The following GRID1 variants were observed in gnomAD, a reference collection of about 807,000 sequenced individuals.
GRID1 encodes the protein glutamate receptor ionotropic, delta-1.
Under a neutral mutation model 98.0 loss-of-function variants are expected in GRID1, and 28 were observed. The ratio of observed to expected loss-of-function variants is 0.29; its 90% confidence interval spans 0.21 to 0.39. The LOEUF is 0.39. GRID1 is among the 10% of genes least tolerant of loss of function. GRID1 has a pLI of 1.00. For synonymous variants in GRID1, 553 were observed against 538.5 expected (o/e 1.03, Z -0.37); for missense variants, 1,111 against 1,340.5 (o/e 0.83, Z 2.67).
intron 3 of GRID1, among the ~76,000 whole-genome samples, chr10:86,161,255 C>A (rs145751760): frequency 1.2e-4 from 18 of 152,248 alleles, no homozygotes; most frequent in South Asian, 4.2e-4. Context: ...AAATCCGGGG[C>A]CTGACATCCT....
rs186874425 is a variant in GRID1, at chr10:86,126,628, A to T, written c.726+12191T>A. ...GTATATATGCAATAAATCAGACATT[A>T]CCACTTGGCAGCCTGCAAGCCTTAT... On this transcript the variant is annotated intron_variant, in intron 4 of 15. Coordinates refer to ENST00000327946, the MANE Select transcript of GRID1 (RefSeq NM_017551.3). 3.5e-4 allele frequency among the ~76,000 whole-genome samples: 53 copies of T among 152,364 alleles called. No individual in the cohort carries two copies. The South Asian group carries it at 7.9e-3, about 23-fold the overall frequency.
chr10:85,861,374 C>G (rs974113365), intron 6 of GRID1, among the ~76,000 whole-genome samples: 3 of 152,342 alleles, frequency 2.0e-5, no homozygotes, highest in African/African-American at 7.2e-5. Flanking sequence ...CCCAGCAGCA[C>G]AGCCACAGCT....
Position 85,946,096 on chromosome 10 carries a change from T to C in GRID1, c.727-29857A>G, listed in dbSNP as rs532132775. Among the ~76,000 whole-genome samples, 10 of 152,356 alleles carry C rather than the reference T, an allele frequency of 6.6e-5. No homozygotes were observed. The East Asian group carries it at 1.7e-3, about 26-fold the overall frequency. On this transcript the variant is annotated intron_variant, in intron 4 of 15. Coordinates refer to ENST00000327946, the MANE Select transcript of GRID1 (RefSeq NM_017551.3). ...GGGTCAGCAATCCTCAAAGTTTGTT[T>C]TTTAATGAGAGAAAAATGTCTTAGC...
chr10:86,244,570 C>T lies in GRID1; in HGVS notation c.236-37922G>A, dbSNP rs538317357. 7.1e-4 allele frequency among the ~76,000 whole-genome samples: 108 copies of T among 152,366 alleles called. 2 individuals are homozygous for T. The South Asian group carries it at 0.022, about 31-fold the overall frequency. ...GCGCCTGCAAGGAGGCTGCCACCCC[C>T]TCGTTAATCATCCCTGGCAGCAGGA... is the stretch of plus-strand genomic sequence containing the variant. On this transcript the variant is annotated intron_variant, in intron 2 of 15. Transcript: ENST00000327946.
intron 3 of GRID1, among the ~76,000 whole-genome samples, chr10:86,141,459 T>C (rs1845009965): frequency 6.6e-6 from 1 of 152,232 alleles, no homozygotes; most frequent in Admixed American, 6.5e-5. Flanking sequence ...CTGCCCTCTC[T>C]GGAGCACAGC....
At chr10:85,806,151 C>T (rs1842621503) in intron 8 of GRID1, among the ~76,000 whole-genome samples, 1 of 151,970 alleles carries the variant, frequency 6.6e-6, no homozygotes, top group Admixed American at 6.6e-5. Context: ...TTTAAATGGG[C>T]AAAAGATTTG....
At chr10:85,909,648 CA>C (rs1841509509) in intron 5 of GRID1, among the ~76,000 whole-genome samples, 1 of 152,018 alleles carries the variant, frequency 6.6e-6, no homozygotes, top group African/African-American at 2.4e-5. Flanking sequence ...TAAGCCATAC[CA>C]AAAGCAGAAG....
chr10:86,250,550 A>T (rs965852022), intron 2 of GRID1, among the ~76,000 whole-genome samples: 1 of 152,054 alleles, frequency 6.6e-6, no homozygotes, highest in African/African-American at 2.4e-5. Context: ...TAAAAATTGC[A>T]TGTGTACTGG....
At chr10:85,993,794 A>T (rs1589328401) in intron 4 of GRID1, among the ~76,000 whole-genome samples, 1 of 152,156 alleles carries the variant, frequency 6.6e-6, no homozygotes, top group South Asian at 2.1e-4. Context: ...TACATTATAT[A>T]CCCATCTTAT....
chr10:85,970,828 T>C (rs1842398614), intron 4 of GRID1, among the ~76,000 whole-genome samples: 2 of 152,036 alleles, frequency 1.3e-5, no homozygotes, highest in Non-Finnish European at 1.5e-5. Flanking sequence ...ATTCTAGTCA[T>C]GCAAATCAGG....
intron 5 of GRID1, among the ~76,000 whole-genome samples, chr10:85,878,744 T>C (rs1250125110): frequency 2.0e-5 from 3 of 152,060 alleles, no homozygotes; most frequent in African/African-American, 7.2e-5. Context: ...AACATCATAA[T>C]GACAGGATCA....
At chr10:85,923,933 A>C (rs776372520) in intron 4 of GRID1, among the ~76,000 whole-genome samples, 4 of 152,090 alleles carry the variant, frequency 2.6e-5, no homozygotes, top group Non-Finnish European at 5.9e-5. Context: ...CCCTTTCAAA[A>C]TTCCTGGATC....
intron 7 of GRID1, among the ~76,000 whole-genome samples, chr10:85,854,888 G>C (rs1474134096): frequency 6.6e-6 from 1 of 152,198 alleles, no homozygotes; most frequent in Non-Finnish European, 1.5e-5. Context: ...TATGTGCCAG[G>C]CACCATGCTA....
At chr10:85,963,574 C>G (rs1842299140) in intron 4 of GRID1, among the ~76,000 whole-genome samples, 2 of 152,192 alleles carry the variant, frequency 1.3e-5, no homozygotes, top group Non-Finnish European at 2.9e-5. Flanking sequence ...ATCCTCCACT[C>G]TTACCACGCC....
At chr10:86,294,101 T>G (rs963109476) in intron 2 of GRID1, among the ~76,000 whole-genome samples, 1 of 151,704 alleles carries the variant, frequency 6.6e-6, no homozygotes, top group African/African-American at 2.4e-5. Flanking sequence ...TGGAGGAGTA[T>G]GGAGAGGAGG....
intron 2 of GRID1, among the ~76,000 whole-genome samples, chr10:86,212,949 C>T (rs1388827047): frequency 1.3e-5 from 2 of 152,052 alleles, no homozygotes; most frequent in African/African-American, 4.8e-5. Context: ...TGCTAGAGCT[C>T]GGGCCCTGGA....
chr10:86,087,843 C>T (rs1182034275), intron 4 of GRID1, among the ~76,000 whole-genome samples: 4 of 152,104 alleles, frequency 2.6e-5, no homozygotes, highest in Admixed American at 2.6e-4. Context: ...CCTAAGTTTT[C>T]ATGGCTCTGC....
rs150375258 is a variant in GRID1 at position 85,731,218 on chromosome 10, T to C, written c.1234-1604A>G. 4.0e-4 allele frequency among the ~76,000 whole-genome samples: 61 copies of C among 152,122 alleles called. 1 individual carries two copies. The highest frequency in any genetic ancestry group is 1.4e-3 in the African/African-American group (57 of 41,504). ...GAGTCAGTTTTAAAGAAACCTGGAATTTCCTGTTGTCACCTTGGACATGAT... is the reference window on the plus strand; with the variant it reads ...GAGTCAGTTTTAAAGAAACCTGGAACTTCCTGTTGTCACCTTGGACATGAT... On this transcript the variant is annotated intron_variant, in intron 8 of 15. Transcript: ENST00000327946.
chr10:86,298,443 T>C (rs1347337164), intron 2 of GRID1, among the ~76,000 whole-genome samples: 6 of 152,192 alleles, frequency 3.9e-5, no homozygotes, highest in Non-Finnish European at 8.8e-5. Flanking sequence ...AAGGAGTCTC[T>C]TTAGCTATAA....
Sources: allele counts gnomAD v4.1 joint callset (sites outside exome capture counted in the v4.1 genomes callset), GRCh38; gene constraint gnomAD v4.1.1; transcripts MANE v1.5; gene names NCBI Gene and HGNC (gene_info 2026-07-23, HGNC 2026-07-21).